DDAH1: variants seen among roughly 807,000 people sequenced by gnomAD.
The protein encoded by DDAH1 is N(G),N(G)-dimethylarginine dimethylaminohydrolase 1.
In DDAH1, 19 loss-of-function variants were observed where a neutral mutation model predicts 28.8. The ratio of observed to expected loss-of-function variants is 0.66; its 90% confidence interval spans 0.46 to 0.97. DDAH1 has a LOEUF of 0.97. DDAH1 is among the 50% of genes least tolerant of loss of function. DDAH1 has a pLI of 0.00. For missense variants in DDAH1, 326 were observed against 375.9 expected, an observed-to-expected ratio of 0.87 and a Z score of 1.10; for synonymous variants, 153 against 154.4, an observed-to-expected ratio of 0.99 and a Z score of 0.07.
intron 1 of DDAH1, among the ~76,000 whole-genome samples, chr1:85,513,936 A>C (rs1457879051): frequency 6.6e-6 from 1 of 152,208 alleles, no homozygotes; most frequent in Non-Finnish European, 1.5e-5. Context: ...ATTGTGGAAG[A>C]CAGTGTGGCG....
At chr1:85,326,431 T>C (rs1011468000) in intron 4 of DDAH1, among the ~76,000 whole-genome samples, 2 of 152,248 alleles carry the variant, frequency 1.3e-5, no homozygotes, top group Non-Finnish European at 2.9e-5. Flanking sequence ...ACATTTATTA[T>C]CTAATCTCAA....
intron 1 of DDAH1, among the ~76,000 whole-genome samples, chr1:85,407,431 C>T (rs900070599): frequency 6.6e-6 from 1 of 152,158 alleles, no homozygotes; most frequent in East Asian, 1.9e-4. Flanking sequence ...GTACCCTGAC[C>T]TCTTTTAAAA....
chr1:85,345,202 TG>T (rs551267698), intron 4 of DDAH1, among the ~76,000 whole-genome samples: 1 of 152,080 alleles, frequency 6.6e-6, no homozygotes, highest in Non-Finnish European at 1.5e-5. Flanking sequence ...ATTTATTCTT[TG>T]GGGGGGTTGG....
chr1:85,572,642 T>A (rs1659494013), intron 1 of DDAH1, among the ~76,000 whole-genome samples: 1 of 152,218 alleles, frequency 6.6e-6, no homozygotes, highest in Non-Finnish European at 1.5e-5. Flanking sequence ...CAACTATTCC[T>A]ATGTCTCCCA....
chr1:85,498,111 A>G (rs1398281242), intron 1 of DDAH1, among the ~76,000 whole-genome samples: 1 of 152,142 alleles, frequency 6.6e-6, no homozygotes, highest in Non-Finnish European at 1.5e-5. Context: ...CATTCTCCCC[A>G]TCTCCTTGCC....
intron 1 of DDAH1, among the ~76,000 whole-genome samples, chr1:85,552,850 C>G (rs1658837651): frequency 1.3e-5 from 2 of 152,068 alleles, no homozygotes; most frequent in South Asian, 4.2e-4. Context: ...AACAAAATTT[C>G]CTAAGCTCTT....
chr1:85,423,834 T>C (rs933991731), intron 1 of DDAH1, among the ~76,000 whole-genome samples: 6 of 152,304 alleles, frequency 3.9e-5, no homozygotes, highest in South Asian at 2.1e-4. Context: ...TGAACAGCAG[T>C]GGTCAGAGAG....
At chr1:85,358,948 C>T in intron 1 of DDAH1, 101 bp from the exon 2 acceptor site, 1 of 766,538 alleles carries the variant, frequency 1.3e-6, no homozygotes, top group Non-Finnish European at 2.2e-6. Flanking sequence ...CGTGCACACA[C>T]CCACACACAT....
chr1:85,334,638 C>T (rs1647995708), intron 4 of DDAH1, among the ~76,000 whole-genome samples: 1 of 151,962 alleles, frequency 6.6e-6, no homozygotes, highest in South Asian at 2.1e-4. Flanking sequence ...AAGCAAGGTG[C>T]TTCCTTACCC....
intron 1 of DDAH1, among the ~76,000 whole-genome samples, chr1:85,447,143 A>G (rs1354833121): frequency 6.6e-6 from 1 of 152,162 alleles, no homozygotes; most frequent in Non-Finnish European, 1.5e-5. Flanking sequence ...CTGCCTGCCT[A>G]TTTATATGCA....
chr1:85,408,637 A>T (rs908827979), intron 1 of DDAH1, among the ~76,000 whole-genome samples: 4 of 152,188 alleles, frequency 2.6e-5, no homozygotes, highest in African/African-American at 9.6e-5. Flanking sequence ...AGTTATACAC[A>T]TCCACTAAAA....
At chr1:85,500,134 CTTTCTTTCT>C (rs1656756255) in intron 1 of DDAH1, among the ~76,000 whole-genome samples, 1 of 44,440 alleles carries the variant, frequency 2.3e-5, no homozygotes, top group Non-Finnish European at 4.8e-5. Flanking sequence ...TTCTTTCTTT[CTTTCTTTCT>C]TTCTTTTCTT....
intron 1 of DDAH1, among the ~76,000 whole-genome samples, chr1:85,549,178 C>G (rs1336148796): frequency 2.0e-5 from 3 of 152,204 alleles, no homozygotes; most frequent in Non-Finnish European, 4.4e-5. Flanking sequence ...GCCATATTAT[C>G]TAAGCACTGT....
chr1:85,464,978 T>G lies in DDAH1; in HGVS notation c.68A>C (p.Glu23Ala). The G allele has an allele frequency of 1.4e-6, 2 of 1,457,036 alleles. No individual in the cohort carries two copies. Among genetic ancestry groups the G allele is most frequent in the Non-Finnish European group, 1.8e-6 (2 of 1,108,368 alleles). The allele number at this position is 1,457,036 out of a possible 1,614,324, so 90.3% of individuals were successfully genotyped here. Residue 23 changes from glutamate (E) to alanine (A), a missense_variant, in exon 1 of 6, where the codon GAG (glutamate) becomes GCG (alanine). Transcript: ENST00000284031. The surrounding 1 kb of genome is among the most constrained non-coding windows in gnomAD (Gnocchi z 4.4). ...TCTCAGCGCGTGCTGGCCGAGCGACTCGGGTAGCGCCCGCACCACGGCGTG... is the reference window on the plus strand; with the variant it reads ...TCTCAGCGCGTGCTGGCCGAGCGACGCGGGTAGCGCCCGCACCACGGCGTG... ...ATHAVVRALPESLGQHALRSA... is the reference protein window; with the variant it reads ...ATHAVVRALPASLGQHALRSA...
intron 4 of DDAH1, among the ~76,000 whole-genome samples, chr1:85,328,261 A>G (rs754004631): frequency 4.6e-5 from 7 of 152,232 alleles, no homozygotes; most frequent in African/African-American, 7.2e-5. Flanking sequence ...ACCTAAGGGC[A>G]TTCACAGAAA....
At chr1:85,532,328 C>T (rs1658117841) in intron 1 of DDAH1, among the ~76,000 whole-genome samples, 1 of 150,422 alleles carries the variant, frequency 6.6e-6, no homozygotes, top group Non-Finnish European at 1.5e-5. Context: ...TCTAACATCC[C>T]TATAAAGAAA....
intron 1 of DDAH1, among the ~76,000 whole-genome samples, chr1:85,430,461 T>C (rs1368680770): frequency 6.6e-6 from 1 of 152,236 alleles, no homozygotes; most frequent in Non-Finnish European, 1.5e-5. Context: ...TAGATGTGGA[T>C]AGCATTGAAT....
intron 1 of DDAH1, chr1:85,398,644 C>G (rs1651926012): frequency 2.0e-5 from 3 of 152,230 alleles, no homozygotes; most frequent in Admixed American, 2.0e-4. Context: ...GACATTCAAA[C>G]TGCAAACCAG....
At chr1:85,344,596 CCCTTCATCTTTCCTTCCTT>C (rs1648724520) in intron 4 of DDAH1, among the ~76,000 whole-genome samples, 1 of 148,932 alleles carries the variant, frequency 6.7e-6, no homozygotes, top group Non-Finnish European at 1.5e-5. Flanking sequence ...TTCCCTCCCT[CCCTTCATCTTTCCTTCCTT>C]AAGAAAATTT....
Sources: gnomAD v4.1 joint callset for allele counts (sites outside exome capture counted in the v4.1 genomes callset) on GRCh38, gnomAD v4.1.1 for gene constraint, Gnocchi (gnomAD v3.1) non-coding constraint, MANE v1.5 for transcripts, NCBI Gene and HGNC (gene_info 2026-07-23, HGNC 2026-07-21) for gene names.